Variants in MRPL3 observed in about 807,000 individuals in gnomAD.
MRPL3 encodes the protein large ribosomal subunit protein uL3m.
MRPL3 carries 43 observed loss-of-function variants against 44.3 expected under a neutral mutation model. The observed-to-expected ratio is 0.97, with a 90% CI of 0.76 to 1.25. The LOEUF (loss-of-function observed/expected upper bound fraction) is 1.25, where lower values mean the gene tolerates loss of function less well. Among genes scored for constraint, MRPL3 ranks in the 50% most tolerant of loss-of-function variants. The probability of loss-of-function intolerance (pLI) is 0.00; values close to 1 mark genes in which losing one functional copy is unlikely to be tolerated. For missense variants in MRPL3, 406 were observed against 427.6 expected (o/e 0.95, Z 0.45); for synonymous variants, 171 against 152.3 (o/e 1.12, Z -0.91).
chr3:131,478,606 T>C (rs946928559), intron 6 of MRPL3, among the ~76,000 whole-genome samples: 1 of 152,164 alleles, frequency 6.6e-6, no homozygotes, highest in African/African-American at 2.4e-5. Flanking sequence ...TTGTTCCTTC[T>C]GCCTCAAACA....
intron 5 of MRPL3, among the ~76,000 whole-genome samples, chr3:131,488,213 A>G (rs1029599967): frequency 6.6e-6 from 1 of 152,186 alleles, no homozygotes; most frequent in Non-Finnish European, 1.5e-5. Context: ...ATCTATATAA[A>G]GCCTCTACAT....
chr3:131,470,636 C>T (rs1234831630), intron 7 of MRPL3, among the ~76,000 whole-genome samples: 1 of 151,362 alleles, frequency 6.6e-6, no homozygotes, highest in Admixed American at 6.6e-5. Flanking sequence ...ACACACACCC[C>T]TCTGTTTCTC....
intron 6 of MRPL3, among the ~76,000 whole-genome samples, chr3:131,481,770 G>C (rs554574742): frequency 6.6e-6 from 1 of 152,292 alleles, no homozygotes; most frequent in South Asian, 2.1e-4. Flanking sequence ...TCTCTCTATA[G>C]TTTAATCACT....
intron 3 of MRPL3, among the ~76,000 whole-genome samples, 156 bp from the exon 4 acceptor site, chr3:131,498,433 A>T (rs1024381955): frequency 2.7e-5 from 4 of 147,460 alleles, no homozygotes; most frequent in African/African-American, 1.0e-4. Flanking sequence ...AATATAAATT[A>T]AAAAAAAAAA....
intron 6 of MRPL3, among the ~76,000 whole-genome samples, chr3:131,474,310 A>G (rs1179463522): frequency 6.6e-6 from 1 of 152,226 alleles, no homozygotes; most frequent in African/African-American, 2.4e-5. Flanking sequence ...CAAATAATGT[A>G]TGATCTCACT....
At chr3:131,489,049 TCATAAA>T (rs1364443781) in intron 5 of MRPL3, among the ~76,000 whole-genome samples, 1 of 152,074 alleles carries the variant, frequency 6.6e-6, no homozygotes. Context: ...TTTATCTTTA[TCATAAA>T]CATAAACAAA....
intron 6 of MRPL3, among the ~76,000 whole-genome samples, chr3:131,482,434 G>A (rs1176453805): frequency 2.6e-5 from 4 of 151,322 alleles, no homozygotes; most frequent in African/African-American, 9.7e-5. Context: ...AGAATGGCGT[G>A]AACCTGGGAG....
intron 6 of MRPL3, among the ~76,000 whole-genome samples, chr3:131,480,337 G>C (rs1933956279): frequency 6.6e-6 from 1 of 152,180 alleles, no homozygotes; most frequent in Admixed American, 6.5e-5. Flanking sequence ...AGTCAGTCAT[G>C]GTGGAATTTT....
chr3:131,472,919 G>A (rs976832660), intron 6 of MRPL3, among the ~76,000 whole-genome samples: 6 of 152,172 alleles, frequency 3.9e-5, no homozygotes, highest in African/African-American at 1.4e-4. Context: ...AACTGCAGAG[G>A]ATGTGGGTAA....
Position 131,500,528 on chromosome 3 carries a change from A to G in MRPL3, c.278-7T>C, listed in dbSNP as rs748673479. On this transcript the variant is annotated splice_polypyrimidine_tract_variant and splice_region_variant and intron_variant, in intron 2 of 9. Transcript: ENST00000264995. ...AGACCAACTCTAAAGGAACCTGGCA[A>G]TTAAAACCAAAGCAATGTGAACAAA... 3.1e-6 allele frequency: 5 copies of G among 1,610,922 alleles called. No homozygotes were observed. The East Asian group carries it at 6.7e-5, about 22-fold the overall frequency.
At chr3:131,488,222 A>G (rs767382822) in intron 5 of MRPL3, among the ~76,000 whole-genome samples, 1 of 152,168 alleles carries the variant, frequency 6.6e-6, no homozygotes, top group African/African-American at 2.4e-5. Context: ...AAGCCTCTAC[A>G]TATCAGATTT....
intron 4 of MRPL3, among the ~76,000 whole-genome samples, chr3:131,490,994 C>G (rs886716438): frequency 1.3e-5 from 2 of 152,198 alleles, no homozygotes; most frequent in Non-Finnish European, 2.9e-5. Flanking sequence ...ATTGTCCCCA[C>G]TCTCTTCTAA....
intron 9 of MRPL3, 71 bp from the exon 10 acceptor site, chr3:131,462,946 T>C: frequency 3.0e-6 from 4 of 1,334,912 alleles, no homozygotes; most frequent in East Asian, 2.4e-5. Flanking sequence ...CTATTATTCA[T>C]AATCAAAGAA....
chr3:131,497,117 A>C (rs1934385929), intron 4 of MRPL3, among the ~76,000 whole-genome samples: 2 of 152,080 alleles, frequency 1.3e-5, no homozygotes, highest in Non-Finnish European at 2.9e-5. Context: ...TGGATTTATA[A>C]TATTGTACTG....
At position 131,498,521 on chromosome 3, in the gene MRPL3, T is replaced by G. The variant is rs1934420051; in HGVS notation, c.370-244A>C. 2.0e-5 allele frequency among the ~76,000 whole-genome samples: 3 copies of G among 150,642 alleles called. No individual in the cohort carries two copies. In the South Asian group the frequency reaches 6.3e-4, roughly 32 times the overall value. On this transcript the variant is annotated intron_variant, in intron 3 of 9. Coordinates refer to ENST00000264995, the MANE Select transcript of MRPL3 (RefSeq NM_007208.4). ...ATCGAGACCATCCTGGCTAACACGG[T>G]GAAACCCCATCTCTACTAAAAATAC...
intron 6 of MRPL3, chr3:131,487,449 A>T (rs978698431): frequency 2.7e-4 from 92 of 339,218 alleles, no homozygotes; most frequent in Middle Eastern, 1.6e-3. Flanking sequence ...AAAGTATAAT[A>T]AAAAAAAAAC....
At chr3:131,479,697 T>C (rs1348020015) in intron 6 of MRPL3, among the ~76,000 whole-genome samples, 1 of 151,736 alleles carries the variant, frequency 6.6e-6, no homozygotes, top group African/African-American at 2.4e-5. Context: ...TACAAAAAAA[T>C]AGCCAGGCGT....
At chr3:131,482,889 T>C (rs1934021822) in intron 6 of MRPL3, among the ~76,000 whole-genome samples, 1 of 100,270 alleles carries the variant, frequency 1.0e-5, no homozygotes, top group Admixed American at 9.4e-5. Flanking sequence ...ACCATCTCTG[T>C]CCTTCAAGTC....
chr3:131,484,516 T>C (rs2110706372), intron 6 of MRPL3, among the ~76,000 whole-genome samples: 1 of 151,914 alleles, frequency 6.6e-6, no homozygotes, highest in South Asian at 2.1e-4. Flanking sequence ...AGGATTAATA[T>C]CCAGAAGATA....
Sources: allele counts gnomAD v4.1 joint callset (sites outside exome capture counted in the v4.1 genomes callset), GRCh38; gene constraint gnomAD v4.1.1; transcripts MANE v1.5; gene names NCBI Gene and HGNC (gene_info 2026-07-23, HGNC 2026-07-21).